Variants in DAAM2 observed in about 807,000 individuals in gnomAD.
DAAM2 encodes the protein disheveled-associated activator of morphogenesis 2.
DAAM2 carries 39 observed loss-of-function variants against 120.7 expected under a neutral mutation model. The ratio of observed to expected loss-of-function variants is 0.32; its 90% confidence interval spans 0.25 to 0.42. The LOEUF (loss-of-function observed/expected upper bound fraction) is 0.42, where lower values mean the gene tolerates loss of function less well. Among genes scored for constraint, DAAM2 ranks in the 10% least tolerant of loss-of-function variants. DAAM2 has a pLI of 1.00. For synonymous variants in DAAM2, 488 were observed against 524.9 expected (o/e 0.93, Z 0.96); for missense variants, 1,283 against 1,401.7 (o/e 0.92, Z 1.35).
chr6:39,852,183 T>A (rs746573033), intron 1 of DAAM2, among the ~76,000 whole-genome samples: 8 of 152,194 alleles, frequency 5.3e-5, no homozygotes, highest in Non-Finnish European at 1.2e-4. Context: ...TTGAAATCTC[T>A]CTGGCCTGAG....
chr6:39,840,578 C>T (rs780386597), intron 1 of DAAM2, among the ~76,000 whole-genome samples: 7 of 151,858 alleles, frequency 4.6e-5, no homozygotes, highest in Non-Finnish European at 1.0e-4. Flanking sequence ...AAATGTAGAT[C>T]GTTGGAAATA....
intron 7 of DAAM2, 24 bp downstream of exon 7, chr6:39,868,957 T>C (rs1473256506): frequency 2.7e-6 from 4 of 1,499,540 alleles, no homozygotes; most frequent in Non-Finnish European, 3.6e-6. Context: ...TCCTTGCCCT[T>C]GCTGTTCCCT....
intron 1 of DAAM2, among the ~76,000 whole-genome samples, chr6:39,801,615 G>A (rs1761866021): frequency 6.6e-6 from 1 of 152,222 alleles, no homozygotes; most frequent in South Asian, 2.1e-4. Context: ...CTCCTGATGG[G>A]TGTTTGTTGC....
chr6:39,824,121 T>TACAA (rs1762585029), intron 1 of DAAM2, among the ~76,000 whole-genome samples: 1 of 152,224 alleles, frequency 6.6e-6, no homozygotes, highest in Non-Finnish European at 1.5e-5. Context: ...CCTTCTGTGC[T>TACAA]ACACATTAGT....
At chr6:39,854,966 G>A (rs72857176) in intron 1 of DAAM2, among the ~76,000 whole-genome samples, 14,337 of 152,204 alleles carry the variant, frequency 0.094, 1,326 homozygotes, top group African/African-American at 0.24. Flanking sequence ...AAAGATGTGC[G>A]TGATGACCAC....
chr6:39,893,285 G>C (rs1765851008), intron 19 of DAAM2, among the ~76,000 whole-genome samples: 1 of 152,234 alleles, frequency 6.6e-6, no homozygotes, highest in Admixed American at 6.5e-5. Context: ...GGGAGGCCAA[G>C]GCGGGCGGAT....
At chr6:39,889,088 G>A (rs184198739) in intron 17 of DAAM2, 1 of 190,970 alleles carries the variant, frequency 5.2e-6, no homozygotes, top group East Asian at 1.2e-4. Flanking sequence ...TCATCAATTG[G>A]ACTTCATTAC....
chr6:39,897,894 G>C lies in DAAM2; in HGVS notation c.2618+612G>C, dbSNP rs77960024. Among the ~76,000 whole-genome samples, 512 of 152,306 alleles carry C rather than the reference G, an allele frequency of 3.4e-3. 12 individuals are homozygous for C. In the East Asian group the frequency reaches 0.06, roughly 18 times the overall value. On this transcript the variant is annotated intron_variant, in intron 21 of 24. Coordinates refer to ENST00000274867, the MANE Select transcript of DAAM2 (RefSeq NM_001201427.2). Reference sequence around the variant, plus strand: ...AATGCTGAGGTTTATTGTGTTGACTGTATGGGCACCACCACAGCTGCTGTG... The same window carrying C: ...AATGCTGAGGTTTATTGTGTTGACTCTATGGGCACCACCACAGCTGCTGTG...
At chr6:39,826,392 C>A (rs1762673929) in intron 1 of DAAM2, among the ~76,000 whole-genome samples, 1 of 152,070 alleles carries the variant, frequency 6.6e-6, no homozygotes, top group African/African-American at 2.4e-5. Context: ...TCTAGGAAAG[C>A]AAGTCTCTTA....
chr6:39,852,854 G>A (rs762346109), intron 1 of DAAM2, among the ~76,000 whole-genome samples: 24 of 152,324 alleles, frequency 1.6e-4, no homozygotes, highest in Non-Finnish European at 3.4e-4. Flanking sequence ...AGGTGTCAGA[G>A]CAGGAGCGGG....
chr6:39,884,870 G>T (rs1451074811), intron 15 of DAAM2: 7 of 152,274 alleles, frequency 4.6e-5, no homozygotes, highest in Admixed American at 4.6e-4. Flanking sequence ...AGATGAGTTG[G>T]GGCCCAGGAA....
intron 11 of DAAM2, among the ~76,000 whole-genome samples, chr6:39,877,503 C>T (rs2149327203): frequency 6.6e-6 from 1 of 152,318 alleles, no homozygotes; most frequent in South Asian, 2.1e-4. Context: ...AAATACTCTC[C>T]CTCTCCATAC....
intron 5 of DAAM2, among the ~76,000 whole-genome samples, chr6:39,865,574 G>C (rs184325649): frequency 6.6e-6 from 1 of 152,274 alleles, no homozygotes; most frequent in Admixed American, 6.5e-5. Context: ...AGAAGTCCTG[G>C]AGCCATAGGA....
chr6:39,875,447 A>G lies in DAAM2; in HGVS notation c.1280A>G (p.Asn427Ser). 1 of 1,613,850 alleles carries G rather than the reference A, an allele frequency of 6.2e-7. No homozygotes were observed. Among genetic ancestry groups the G allele is most frequent in the Non-Finnish European group, 8.5e-7 (1 of 1,179,814 alleles). The change falls in exon 11 of 25, where the codon AAT becomes AGT. Residue 427 changes from asparagine to serine, a missense_variant. Physicochemically the swap from Asn to Ser is conservative, Grantham distance 46 (BLOSUM62 1). Transcript: ENST00000274867. ...GACCTGGCTCCCTTGGAGAACTTCA[A>G]TGTCAAGAACATCGTCAACATGTGA... Reference protein sequence around the residue: ...DPDLAPLENFNVKNIVNMLIN... With the variant: ...DPDLAPLENFSVKNIVNMLIN...
Position 39,879,183 on chromosome 6 carries a change from C to T in DAAM2, c.1551C>T (p.Gly517=). ...LVAQLSELST[G]PVSSPPPPGG... The stretch of plus-strand genomic sequence containing the variant: ...ATTTTTCTGTTTCCTCACAGACAGG[C>T]CCTGTATCTTCCCCACCACCCCCTG... Residue 517 remains glycine, a synonymous_variant, in exon 14 of 25, where the codon GGC becomes GGT. Transcript: ENST00000274867. 2 of 1,546,508 alleles carry T rather than the reference C, an allele frequency of 1.3e-6. No individual in the cohort carries two copies. Among genetic ancestry groups the T allele is most frequent in the Non-Finnish European group, 1.7e-6 (2 of 1,144,232 alleles).
At chr6:39,865,698 G>A (rs1764402435) in intron 5 of DAAM2, among the ~76,000 whole-genome samples, 1 of 152,228 alleles carries the variant, frequency 6.6e-6, no homozygotes, top group Non-Finnish European at 1.5e-5. Flanking sequence ...CGAATGCTGA[G>A]TGTCAAATTT....
intron 1 of DAAM2, among the ~76,000 whole-genome samples, chr6:39,836,086 A>C (rs1763090597): frequency 6.6e-6 from 1 of 152,080 alleles, no homozygotes; most frequent in African/African-American, 2.4e-5. Context: ...AAGCTTGGAG[A>C]GAAGGAAGTT....
intron 2 of DAAM2, among the ~76,000 whole-genome samples, chr6:39,857,829 G>A (rs2149286500): frequency 6.6e-6 from 1 of 152,160 alleles, no homozygotes; most frequent in East Asian, 1.9e-4. Context: ...GCTGTATGAG[G>A]GTCCTAGGGA....
At chr6:39,885,881 G>T (rs1765356757) in intron 15 of DAAM2, 1 of 152,364 alleles carries the variant, frequency 6.6e-6, no homozygotes. Flanking sequence ...AGAGGTGCGT[G>T]CTGTGCCTCT....
Sources: gnomAD v4.1 joint callset for allele counts (sites outside exome capture counted in the v4.1 genomes callset) on GRCh38, gnomAD v4.1.1 for gene constraint, MANE v1.5 for transcripts, NCBI Gene and HGNC (gene_info 2026-07-23, HGNC 2026-07-21) for gene names.